Variants in DLG5 observed in about 807,000 individuals in gnomAD.
DLG5 encodes the protein disks large homolog 5.
Under a neutral mutation model 189.8 loss-of-function variants are expected in DLG5, and 48 were observed. The ratio of observed to expected loss-of-function variants is 0.25; its 90% CI spans 0.20 to 0.32. The LOEUF is 0.32. Ranked by LOEUF, DLG5 falls within the 10% of genes least tolerant of loss-of-function variation. The pLI is 1.00. For synonymous variants in DLG5, 1,016 were observed against 1,054.1 expected (o/e 0.96, Z 0.70); for missense variants, 2,160 against 2,544.7 (o/e 0.85, Z 3.25).
At chr10:77,935,931 C>T in the DLG5 span, among the ~76,000 whole-genome samples, 1 of 152,056 alleles carries the variant, frequency 6.6e-6, no homozygotes, top group Admixed American at 6.6e-5. Flanking sequence ...TGAACTCCCC[C>T]AGGATGCTGA....
intron 6 of DLG5, 37 bp from the exon 7 acceptor site, chr10:77,842,230 G>T (rs879089734): frequency 6.3e-7 from 1 of 1,578,180 alleles, no homozygotes; most frequent in Non-Finnish European, 8.6e-7. Context: ...GAAGGGCGGG[G>T]GCCCTGCCCG....
rs1293293684 is a variant in DLG5 at position 77,819,515 on chromosome 10, C to G, written c.3527-50G>C. Reference sequence around the variant, plus strand: ...GACGCCCCAAAGGACCCAGCCAGCCCAGGACTTACACAAGCCTTTCCCCTG... The same window carrying G: ...GACGCCCCAAAGGACCCAGCCAGCCGAGGACTTACACAAGCCTTTCCCCTG... On this transcript the variant is annotated intron_variant, in intron 16 of 31. Transcript: ENST00000372391. 1.2e-5 allele frequency: 19 copies of G among 1,576,468 alleles called. No homozygotes were observed. In the Admixed American group the frequency reaches 3.4e-4, roughly 28 times the overall value.
chr10:77,863,196 A>G (rs2154576918), intron 2 of DLG5, among the ~76,000 whole-genome samples: 1 of 152,118 alleles, frequency 6.6e-6, no homozygotes, highest in Non-Finnish European at 1.5e-5. Flanking sequence ...GGCTCAAGCA[A>G]TCCTCCCACC....
At chr10:77,888,296 A>T (rs965524977) in intron 1 of DLG5, among the ~76,000 whole-genome samples, 1 of 152,186 alleles carries the variant, frequency 6.6e-6, no homozygotes, top group African/African-American at 2.4e-5. Context: ...CCTGGGCAGC[A>T]GCCTCAGAGG....
chr10:77,883,119 C>A (rs929201531), intron 1 of DLG5, among the ~76,000 whole-genome samples: 4 of 152,062 alleles, frequency 2.6e-5, no homozygotes, highest in African/African-American at 9.7e-5. Context: ...CAGGAATAAG[C>A]AAGCAGGTAT....
rs752449123 is a variant in DLG5, at chr10:77,830,281, G to A, written c.1945C>T (p.Pro649Ser). 1 of 1,614,128 alleles carries A rather than the reference G, an allele frequency of 6.2e-7. No individual in the cohort carries two copies. The highest frequency in any genetic ancestry group is 8.5e-7 in the Non-Finnish European group (1 of 1,180,036). The change falls in exon 11 of 32, where the codon CCG becomes TCG. Residue 649 changes from proline (P) to serine (S), a missense_variant. Coordinates refer to ENST00000372391, the MANE Select transcript of DLG5 (RefSeq NM_004747.4). ...MAEGVNEPCF[P>S]GDCGIFVTKV... is the part of the protein sequence containing the mutation. ...GTGACAAATATGCCACAGTCCCCCG[G>A]GAAACAAGGCTCATTCACACCTTCT...
At chr10:77,918,990 C>T (rs1431780247) in intron 1 of DLG5, among the ~76,000 whole-genome samples, 3 of 151,990 alleles carry the variant, frequency 2.0e-5, no homozygotes, top group African/African-American at 7.3e-5. Flanking sequence ...CTGAGGTAGG[C>T]GGATCACCTG....
At chr10:77,833,831 T>C (rs1842990706) in intron 9 of DLG5, 83 bp downstream of exon 9, 2 of 1,558,836 alleles carry the variant, frequency 1.3e-6, no homozygotes, top group Middle Eastern at 2.3e-4. Context: ...GCCAATGCAC[T>C]CAGCATTGCC....
At chr10:77,876,719 G>GAGGGAGGGAGGGAGGGAGGGAGGGAGGT (rs1845106069) in intron 1 of DLG5, among the ~76,000 whole-genome samples, 1 of 84,138 alleles carries the variant, frequency 1.2e-5, no homozygotes, top group Non-Finnish European at 2.5e-5. Flanking sequence ...GGGAGGGAGG[G>GAGGGAGGGAGGGAGGGAGGGAGGGAGGT]AGGGAGGGAA....
At chr10:77,848,764 T>C (rs1589212714) in intron 5 of DLG5, among the ~76,000 whole-genome samples, 1 of 151,820 alleles carries the variant, frequency 6.6e-6, no homozygotes, top group South Asian at 2.1e-4. Flanking sequence ...GTATTAAATG[T>C]GACATTAAAA....
chr10:77,807,441 C>G (rs1400555302), intron 25 of DLG5, among the ~76,000 whole-genome samples: 1 of 152,188 alleles, frequency 6.6e-6, no homozygotes, highest in East Asian at 1.9e-4. Context: ...GTAGTAAGGG[C>G]ACTGAAGATG....
At chr10:77,917,455 G>T (rs996503919) in intron 1 of DLG5, among the ~76,000 whole-genome samples, 1 of 151,324 alleles carries the variant, frequency 6.6e-6, no homozygotes, top group Non-Finnish European at 1.5e-5. Context: ...GGTTGAAGCT[G>T]CAGTGAGCCA....
rs769398237 is a variant in DLG5 at position 77,819,953 on chromosome 10, C to A, written c.3468G>T (p.Ser1156=). The stretch of plus-strand genomic sequence containing the variant: ...TGCTGTGCCGGCTGGAATGCCCAGG[C>A]GAGTAAGGTGCCCACTCCTGGAGCT... ...SPELQEWAPY[S]PGHSSRHSNP... The change falls in exon 16 of 32, where the codon TCG becomes TCT. Residue 1156 remains serine (S), a synonymous_variant. Coordinates refer to ENST00000372391, the MANE Select transcript of DLG5 (RefSeq NM_004747.4). 2 of 1,611,312 alleles carry A rather than the reference C, an allele frequency of 1.2e-6. No homozygotes were observed. The highest frequency in any genetic ancestry group is 1.1e-5 in the South Asian group (1 of 90,688).
chr10:77,922,913 G>T (rs762915881), intron 1 of DLG5, among the ~76,000 whole-genome samples: 2 of 152,214 alleles, frequency 1.3e-5, no homozygotes, highest in Non-Finnish European at 2.9e-5. Flanking sequence ...GAGTTGCCCC[G>T]ATGGGTTGGG....
chr10:77,889,709 C>T (rs897294538), intron 1 of DLG5, among the ~76,000 whole-genome samples: 13 of 152,128 alleles, frequency 8.5e-5, no homozygotes, highest in Non-Finnish European at 1.8e-4. Context: ...CATCTGCCTC[C>T]GTATCTTTAT....
intron 1 of DLG5, among the ~76,000 whole-genome samples, chr10:77,877,979 C>G (rs150829224): frequency 0.014 from 2,110 of 152,316 alleles, 26 homozygotes; most frequent in Non-Finnish European, 0.022. Context: ...GGACATCCCC[C>G]GGGGGCCATG....
rs553479056 is a variant in DLG5 at position 77,819,260 on chromosome 10, T to C, written c.3671+61A>G. ...ATGAGCCTCTTTATGCACTCATGGT[T>C]CCATGTCCAGGCAGGCTTGGGCAGC... is the stretch of plus-strand genomic sequence containing the variant. On this transcript the variant is annotated intron_variant, in intron 17 of 31. Coordinates refer to ENST00000372391, the MANE Select transcript of DLG5 (RefSeq NM_004747.4). The C allele has an allele frequency of 1.5e-4, 242 of 1,611,286 alleles. 2 individuals carry two copies. In the East Asian group the frequency reaches 5.3e-3, roughly 35 times the overall value.
At chr10:77,882,303 G>A (rs552410678) in intron 1 of DLG5, among the ~76,000 whole-genome samples, 3 of 152,240 alleles carry the variant, frequency 2.0e-5, no homozygotes, top group African/African-American at 7.2e-5. Context: ...TCTGAGCCTC[G>A]GTGTCATTTG....
chr10:77,828,776 C>G (rs2801822), intron 13 of DLG5, 106 bp downstream of exon 13: 316,434 of 1,085,070 alleles, frequency 0.29, 47,786 homozygotes, highest in Admixed American at 0.44. Flanking sequence ...ACAATGCCCA[C>G]AACAAGGAAA....
Sources: gnomAD v4.1 joint callset for allele counts (sites outside exome capture counted in the v4.1 genomes callset) on GRCh38, gnomAD v4.1.1 for gene constraint, MANE v1.5 for transcripts, NCBI Gene and HGNC (gene_info 2026-07-23, HGNC 2026-07-21) for gene names.